Variants in CCDC138 observed in about 807,000 individuals in gnomAD.
The protein encoded by CCDC138 is coiled-coil domain-containing protein 138.
CCDC138 carries 66 observed loss-of-function variants against 82.3 expected under a neutral mutation model. The ratio of observed to expected loss-of-function variants is 0.80; its 90% CI spans 0.66 to 0.98. The LOEUF (loss-of-function observed/expected upper bound fraction) is 0.98. Among genes scored for constraint, CCDC138 ranks in the 50% least tolerant of loss-of-function variants. CCDC138 has a pLI of 0.00. For synonymous variants in CCDC138, 297 were observed against 265.4 expected, an observed-to-expected ratio of 1.12 and a Z score of -1.16; for missense variants, 816 against 758.9, an observed-to-expected ratio of 1.08 and a Z score of -0.88.
At chr2:108,869,268 A>C (rs1419595387) in intron 13 of CCDC138, among the ~76,000 whole-genome samples, 2 of 152,190 alleles carry the variant, frequency 1.3e-5, no homozygotes. Context: ...ATGCAAAATG[A>C]TAGGACATTC....
chr2:108,870,844 T>C (rs112335596), intron 13 of CCDC138, among the ~76,000 whole-genome samples: 1 of 152,302 alleles, frequency 6.6e-6, no homozygotes, highest in South Asian at 2.1e-4. Flanking sequence ...AGTTATTGTT[T>C]AATGTGTGCA....
At position 108,825,486 on chromosome 2, in the gene CCDC138, T is replaced by G. The variant is rs1686414286; in HGVS notation, c.1206+9381T>G. Among the ~76,000 whole-genome samples the G allele has an allele frequency of 2.6e-5, 4 of 152,124 alleles. No homozygotes were observed. The South Asian group carries it at 8.3e-4, about 31-fold the overall frequency. Reference sequence around the variant, plus strand: ...CCAAACCTTTATTCAGCACTTCCAGTCCTAGGCAACCACTAATCTGCTTTC... The same window carrying G: ...CCAAACCTTTATTCAGCACTTCCAGGCCTAGGCAACCACTAATCTGCTTTC... On this transcript the variant is annotated intron_variant, in intron 10 of 14. Transcript: ENST00000295124.
At chr2:108,834,295 C>G (rs1688230322) in intron 10 of CCDC138, among the ~76,000 whole-genome samples, 1 of 151,590 alleles carries the variant, frequency 6.6e-6, no homozygotes, top group South Asian at 2.1e-4. Flanking sequence ...TCACTGCAAC[C>G]TCTGCTTCCC....
chr2:108,883,055 C>A (rs1236877001), intron 2 of CCDC138: 3 of 152,140 alleles, frequency 2.0e-5, no homozygotes, highest in Admixed American at 6.6e-5. Flanking sequence ...CAGCAGTGTT[C>A]AATTCATTTC....
intron 7 of CCDC138, among the ~76,000 whole-genome samples, chr2:108,806,686 A>G (rs1414346718): frequency 1.3e-5 from 2 of 152,380 alleles, no homozygotes; most frequent in African/African-American, 2.4e-5. Flanking sequence ...CAATGGGCAT[A>G]TTTAGCCAGC....
At chr2:108,848,615 A>C (rs59594867) in intron 12 of CCDC138, among the ~76,000 whole-genome samples, 4,357 of 152,302 alleles carry the variant, frequency 0.029, 195 homozygotes, top group African/African-American at 0.1. Flanking sequence ...TAAAATTCTA[A>C]TATAGTTTGC....
chr2:108,854,063 T>C (rs1250818055), intron 12 of CCDC138, among the ~76,000 whole-genome samples: 4 of 126,790 alleles, frequency 3.2e-5, no homozygotes, highest in Non-Finnish European at 4.7e-5. Flanking sequence ...ATATTATATA[T>C]ATTTTATATA....
chr2:108,840,827 A>G (rs111846750), intron 11 of CCDC138, among the ~76,000 whole-genome samples: 3 of 128,476 alleles, frequency 2.3e-5, no homozygotes, highest in African/African-American at 9.8e-5. Context: ...TATTTTTTTG[A>G]GACAGAGCCT....
chr2:108,815,878 GT>G, intron 9 of CCDC138, 62 bp from the exon 10 acceptor site: 1 of 1,357,234 alleles, frequency 7.4e-7, no homozygotes, highest in Non-Finnish European at 1.0e-6. Flanking sequence ...CAAATTTAAG[GT>G]TTGTCTTTGA....
intron 10 of CCDC138, among the ~76,000 whole-genome samples, chr2:108,822,477 T>C (rs576916513): frequency 2.5e-4 from 38 of 152,304 alleles, no homozygotes; most frequent in Non-Finnish European, 2.9e-5. Context: ...CAGAACACTC[T>C]ACCCAACAAC....
At chr2:108,827,976 C>T (rs1686922943) in intron 10 of CCDC138, among the ~76,000 whole-genome samples, 1 of 151,684 alleles carries the variant, frequency 6.6e-6, no homozygotes, top group Non-Finnish European at 1.5e-5. Context: ...TATAGGAGCA[C>T]ACAAATTGAT....
chr2:108,884,228 C>T (rs1410587914), intron 2 of CCDC138: 1 of 152,344 alleles, frequency 6.6e-6, no homozygotes, highest in Non-Finnish European at 1.5e-5. Context: ...TAGTAAGTCA[C>T]TTCAGTTATC....
intron 6 of CCDC138, 150 bp from the exon 7 acceptor site, chr2:108,804,739 C>T (rs1682547626): frequency 1.9e-6 from 1 of 535,068 alleles, no homozygotes; most frequent in South Asian, 7.1e-5. Flanking sequence ...TTATAAATTA[C>T]TTGCCACACT....
At chr2:108,864,519 C>T (rs556225386) in intron 13 of CCDC138, among the ~76,000 whole-genome samples, 1 of 151,806 alleles carries the variant, frequency 6.6e-6, no homozygotes, top group African/African-American at 2.4e-5. Flanking sequence ...AAAAATTAGC[C>T]GGGCACGGTG....
rs752322374 is a variant in CCDC138, at chr2:108,830,027, C to T, written c.1207-9158C>T. Among the ~76,000 whole-genome samples the T allele has an allele frequency of 4.6e-5, 7 of 152,278 alleles. No individual in the cohort carries two copies. The East Asian group carries it at 7.7e-4, about 17-fold the overall frequency. On this transcript the variant is annotated intron_variant, in intron 10 of 14. Coordinates refer to ENST00000295124, the MANE Select transcript of CCDC138 (RefSeq NM_144978.3). ...AGAAGGTGGACACAAGGTAAATGCT[C>T]ATCCATGGATGAGTGGATAAACAAG...
chr2:108,806,056 T>G (rs1243933052), intron 7 of CCDC138, among the ~76,000 whole-genome samples: 2 of 152,172 alleles, frequency 1.3e-5, no homozygotes, highest in African/African-American at 4.8e-5. Context: ...CTGCTTTTGT[T>G]TCCCTTTAAT....
At chr2:108,816,880 A>G (rs1178939832) in intron 10 of CCDC138, among the ~76,000 whole-genome samples, 1 of 152,168 alleles carries the variant, frequency 6.6e-6, no homozygotes, top group Non-Finnish European at 1.5e-5. Flanking sequence ...AAATTTTTGT[A>G]GAGATCAGAC....
At chr2:108,805,748 G>C (rs1456924968) in intron 7 of CCDC138, among the ~76,000 whole-genome samples, 2 of 152,056 alleles carry the variant, frequency 1.3e-5, no homozygotes, top group South Asian at 4.1e-4. Context: ...TTGTAATTTA[G>C]ATTAATATAT....
rs776111135 is a variant in CCDC138 at position 108,794,601 on chromosome 2, T to G, written c.456T>G (p.Gly152=). Residue 152 remains glycine (G), a synonymous_variant, in exon 5 of 15, where the codon GGT becomes GGG. Transcript: ENST00000295124. ...GGACTGAGTGTTGTAGTGATGCAGG[T>G]GACTCTCCTTTGAAACCTGTCAGCT... ...RPRTECCSDA[G]DSPLKPVSCP... 2 of 1,614,098 alleles carry G rather than the reference T, an allele frequency of 1.2e-6. No individual in the cohort carries two copies. The highest frequency in any genetic ancestry group is 3.3e-5 in the Admixed American group (2 of 60,028).
Sources: allele counts gnomAD v4.1 joint callset (sites outside exome capture counted in the v4.1 genomes callset), GRCh38; gene constraint gnomAD v4.1.1; transcripts MANE v1.5; gene names NCBI Gene and HGNC (gene_info 2026-07-23, HGNC 2026-07-21).